Variants in HIVEP3 observed in about 807,000 individuals in gnomAD.
HIVEP3 encodes HIVEP zinc finger 3, also known as transcription factor HIVEP3.
In HIVEP3, 49 loss-of-function variants were observed where a neutral mutation model predicts 152.8. The ratio of observed to expected loss-of-function variants is 0.32; its 90% CI spans 0.26 to 0.41. The LOEUF is 0.41. Ranked by LOEUF, HIVEP3 falls within the 10% of genes least tolerant of loss-of-function variation. The pLI is 1.00. For synonymous variants in HIVEP3, 1,269 were observed against 1,289.0 expected, an observed-to-expected ratio of 0.98 and a Z score of 0.33; for missense variants, 2,790 against 3,103.3, an observed-to-expected ratio of 0.90 and a Z score of 2.40.
intron 5 of HIVEP3, chr1:41,543,708 C>G (rs1643589491): frequency 6.6e-6 from 1 of 152,400 alleles, no homozygotes; most frequent in African/African-American, 2.4e-5. Context: ...CACAGTGAAC[C>G]TGACCACAAC....
At chr1:41,897,291 G>A (rs188176542) in intron 1 of HIVEP3, among the ~76,000 whole-genome samples, 50 of 152,302 alleles carry the variant, frequency 3.3e-4, no homozygotes, top group Non-Finnish European at 4.7e-4. Flanking sequence ...CCTGGGGCAC[G>A]GTAGAGGATG....
intron 1 of HIVEP3, among the ~76,000 whole-genome samples, chr1:41,754,043 A>G (rs976862264): frequency 2.6e-5 from 4 of 152,222 alleles, no homozygotes; most frequent in African/African-American, 9.7e-5. Context: ...TGAGGAAGAC[A>G]TTCTGGGCAG....
intron 1 of HIVEP3, among the ~76,000 whole-genome samples, chr1:41,897,616 G>C (rs932737262): frequency 6.6e-6 from 1 of 152,128 alleles, no homozygotes; most frequent in Non-Finnish European, 1.5e-5. Context: ...ATAGCAGCAG[G>C]AACAGCGTAA....
At chr1:41,700,701 C>T (rs1230845133) in intron 2 of HIVEP3, among the ~76,000 whole-genome samples, 2 of 152,232 alleles carry the variant, frequency 1.3e-5, no homozygotes, top group Non-Finnish European at 2.9e-5. Flanking sequence ...CAGGACTCTC[C>T]CATCACCATA....
chr1:41,692,316 G>GGCCTCCAAGTACAGT (rs1646210481), intron 2 of HIVEP3, among the ~76,000 whole-genome samples: 1 of 152,180 alleles, frequency 6.6e-6, no homozygotes, highest in Non-Finnish European at 1.5e-5. Context: ...TTTTTCAAAT[G>GGCCTCCAAGTACAGT]GCCTCCAAGT....
intron 1 of HIVEP3, among the ~76,000 whole-genome samples, chr1:42,012,143 C>T (rs1645496219): frequency 1.3e-5 from 2 of 152,174 alleles, no homozygotes; most frequent in African/African-American, 4.8e-5. Context: ...CCATGTTTAG[C>T]TAGTTTACAG....
intron 5 of HIVEP3, among the ~76,000 whole-genome samples, chr1:41,549,025 G>A (rs1162541464): frequency 7.8e-6 from 1 of 127,922 alleles, no homozygotes; most frequent in Non-Finnish European, 1.7e-5. Context: ...CCCTCCCCCT[G>A]CCCCCCACCC....
chr1:41,922,854 T>G (rs571824152), upstream of HIVEP3, among the ~76,000 whole-genome samples: 1 of 151,560 alleles, frequency 6.6e-6, no homozygotes, highest in African/African-American at 2.4e-5. Context: ...AAGAGAGAGA[T>G]AAAGAAAAGG....
intron 1 of HIVEP3, among the ~76,000 whole-genome samples, chr1:41,990,490 G>T (rs1231111817): frequency 4.1e-5 from 6 of 145,172 alleles, no homozygotes; most frequent in Non-Finnish European, 9.1e-5. Context: ...GGAGCACCCA[G>T]ATTCATAAAG....
At chr1:41,698,467 C>T (rs1646310465) in intron 2 of HIVEP3, among the ~76,000 whole-genome samples, 1 of 152,200 alleles carries the variant, frequency 6.6e-6, no homozygotes, top group Non-Finnish European at 1.5e-5. Context: ...TCTATCTGGC[C>T]TTATCATGTA....
intron 5 of HIVEP3, among the ~76,000 whole-genome samples, chr1:41,562,532 CCCTTCCTTCCTT>C (rs60530597): frequency 7.1e-6 from 1 of 141,790 alleles, no homozygotes; most frequent in Non-Finnish European, 1.6e-5. Context: ...CCCTTCCCTT[CCCTTCCTTCCTT>C]CCTTCCTTCC....
At chr1:41,647,778 C>T (rs1190317435) in intron 2 of HIVEP3, among the ~76,000 whole-genome samples, 4 of 152,392 alleles carry the variant, frequency 2.6e-5, no homozygotes, top group East Asian at 1.9e-4. Context: ...AAGTCCCAAT[C>T]GCTCCTTCTT....
In HIVEP3 at chr1:41,518,637, G is replaced by A; in HGVS notation, c.5384-149C>T. The A allele has an allele frequency of 2.8e-6, 2 of 726,882 alleles. 1 individual carries two copies. The highest frequency in any genetic ancestry group is 5.4e-5 in the East Asian group (2 of 37,192). The allele number at this position is 726,882 out of a possible 1,614,324, so 45.0% of individuals were successfully genotyped here. A position where few individuals can be genotyped will look rare whatever the true frequency, so the allele number is the denominator to read the frequency against. ...GCTGCAGGGCTGGGCAGGAGCTGGG[G>A]TATCCCTCTGCCCCGGTGCTCAGGC... is the stretch of plus-strand genomic sequence containing the variant. On this transcript the variant is annotated intron_variant, in intron 6 of 8. Coordinates refer to ENST00000372583, the MANE Select transcript of HIVEP3 (RefSeq NM_024503.5).
intron 2 of HIVEP3, among the ~76,000 whole-genome samples, chr1:41,676,262 G>A (rs1645953922): frequency 6.6e-6 from 1 of 152,154 alleles, no homozygotes; most frequent in African/African-American, 2.4e-5. Flanking sequence ...ATGGTGGCCA[G>A]GCTGGTCTTG....
chr1:41,716,417 A>C (rs1646594442), intron 1 of HIVEP3, among the ~76,000 whole-genome samples: 1 of 152,130 alleles, frequency 6.6e-6, no homozygotes, highest in African/African-American at 2.4e-5. Context: ...CCCCATCACC[A>C]CCTATCAGCA....
At chr1:41,932,278 C>T (rs924906727) in intron 1 of HIVEP3, among the ~76,000 whole-genome samples, 1 of 151,530 alleles carries the variant, frequency 6.6e-6, no homozygotes, top group Non-Finnish European at 1.5e-5. Flanking sequence ...GTTGAACTAG[C>T]CTTGCATTTT....
At chr1:41,545,085 T>TCA (rs1643708944) in intron 5 of HIVEP3, among the ~76,000 whole-genome samples, 1 of 42,458 alleles carries the variant, frequency 2.4e-5, no homozygotes, top group Non-Finnish European at 4.5e-5. Flanking sequence ...CATCACCACC[T>TCA]CTACCATCGC....
At chr1:41,982,227 T>G (rs1302959226) in intron 1 of HIVEP3, among the ~76,000 whole-genome samples, 1 of 152,246 alleles carries the variant, frequency 6.6e-6, no homozygotes, top group African/African-American at 2.4e-5. Context: ...CGAATCCACC[T>G]GAATGACAAC....
intron 1 of HIVEP3, among the ~76,000 whole-genome samples, chr1:41,824,931 T>C (rs1642752695): frequency 1.3e-5 from 2 of 150,624 alleles, no homozygotes; most frequent in Admixed American, 1.3e-4. Context: ...TGGAGGGCAA[T>C]GGCACTTCTC....
Sources: gnomAD v4.1 joint callset for allele counts (sites outside exome capture counted in the v4.1 genomes callset) on GRCh38, gnomAD v4.1.1 for gene constraint, MANE v1.5 for transcripts, NCBI Gene and HGNC (gene_info 2026-07-23, HGNC 2026-07-21) for gene names.